PCDHGA8: variants seen among roughly 807,000 people sequenced by gnomAD.
PCDHGA8 encodes protocadherin gamma subfamily A, 8.
A neutral mutation model predicts 59.2 loss-of-function variants in PCDHGA8; 45 were observed. That is an observed-to-expected ratio of 0.76 (90% CI 0.60 to 0.98). PCDHGA8 has a LOEUF of 0.98. PCDHGA8 is among the 50% of genes least tolerant of loss of function. The pLI, the probability that PCDHGA8 is intolerant of heterozygous loss-of-function variation, is 0.00. For synonymous variants in PCDHGA8, 531 were observed against 519.0 expected, an observed-to-expected ratio of 1.02 and a Z score of -0.32; for missense variants, 1,257 against 1,196.2, an observed-to-expected ratio of 1.05 and a Z score of -0.75.
At chr5:141,415,740 GTTTTTTTTTTTTT>G (rs57426385) in intron 1 of PCDHGA8, 160 of 625,000 alleles carry the variant, frequency 2.6e-4, no homozygotes, top group Middle Eastern at 1.1e-3. Context: ...GTTTATTAAG[GTTTTTTTTTTTTT>G]TTTTTTTTTT....
rs777288812 is a variant in PCDHGA8 at position 141,487,236 on chromosome 5, G to A, written c.2425-7571G>A. The A allele has an allele frequency of 1.7e-5, 28 of 1,613,962 alleles. No homozygotes were observed. The highest frequency in any genetic ancestry group is 1.4e-4 in the South Asian group (13 of 91,070). On this transcript the variant is annotated intron_variant, in intron 1 of 3. Coordinates refer to ENST00000398604, the MANE Select transcript of PCDHGA8 (RefSeq NM_032088.2). This position sits in a 1 kb window ranked among gnomAD's most constrained non-coding sequence, Gnocchi z 5.0. ...TCAGCTCCAAGGGAAGGAGAATCTC[G>A]TCTAACCCTCTACTTGGCTGTGTCC... is the stretch of plus-strand genomic sequence containing the variant.
intron 2 of PCDHGA8, among the ~76,000 whole-genome samples, chr5:141,497,023 G>A (rs1271608156): frequency 1.3e-5 from 2 of 151,912 alleles, no homozygotes; most frequent in Non-Finnish European, 2.9e-5. Flanking sequence ...ACCCCATCTC[G>A]ATTAAAAATA....
At chr5:141,475,988 A>C (rs1197163866) in intron 1 of PCDHGA8, 29 of 1,114,786 alleles carry the variant, frequency 2.6e-5, no homozygotes, top group Non-Finnish European at 3.2e-5. Context: ...GCCGGCGAGC[A>C]AATCAACGGC....
At chr5:141,400,262 G>T (rs1485452553) in intron 1 of PCDHGA8, 1 of 1,613,914 alleles carries the variant, frequency 6.2e-7, no homozygotes, top group African/African-American at 1.3e-5. Flanking sequence ...TTGCGCCTGC[G>T]ACGCTCCTCC....
chr5:141,427,694 A>T (rs758628764), intron 1 of PCDHGA8: 2 of 913,932 alleles, frequency 2.2e-6, no homozygotes, highest in Non-Finnish European at 3.5e-6. Context: ...CCTCCATCCC[A>T]CAAGTCAGCG....
chr5:141,414,855 C>T (rs2095795912), intron 1 of PCDHGA8: 3 of 1,614,236 alleles, frequency 1.9e-6, no homozygotes, highest in Non-Finnish European at 2.5e-6. Flanking sequence ...TGGACCAGAA[C>T]GACAATGCGC....
At chr5:141,441,932 C>A in intron 1 of PCDHGA8, 1 of 347,904 alleles carries the variant, frequency 2.9e-6, no homozygotes. Flanking sequence ...GCGTGGCTGT[C>A]CTACCACGTG....
chr5:141,466,933 C>A (rs1305734739), intron 1 of PCDHGA8, among the ~76,000 whole-genome samples: 1 of 152,100 alleles, frequency 6.6e-6, no homozygotes, highest in Non-Finnish European at 1.5e-5. Context: ...GAATATTAGT[C>A]CTTTGTCCAG....
chr5:141,438,344 C>A (rs1591501799), intron 1 of PCDHGA8, among the ~76,000 whole-genome samples: 1 of 151,664 alleles, frequency 6.6e-6, no homozygotes, highest in African/African-American at 2.4e-5. Flanking sequence ...ATATAAGGAT[C>A]TACTCTGTGT....
At chr5:141,409,030 G>C (rs377547144) in intron 1 of PCDHGA8, 2 of 1,614,010 alleles carry the variant, frequency 1.2e-6, no homozygotes, top group South Asian at 2.2e-5. Context: ...TCAATGCTGA[G>C]ATAAACTACT....
chr5:141,494,688 A>T (rs2099756168), intron 1 of PCDHGA8, 119 bp from the exon 2 acceptor site: 1 of 1,576,254 alleles, frequency 6.3e-7, no homozygotes, highest in Non-Finnish European at 8.6e-7. Context: ...GCCCCCTCTT[A>T]GTCCGTTTTC....
rs376415955 is a variant in PCDHGA8, at chr5:141,432,082, C to T, written c.2424+36845C>T. ...CCACGGAAACTCATATCTCGCTGAACGTGGCAGACACCAACGACAACCCGC... is the reference window on the plus strand; with the variant it reads ...CCACGGAAACTCATATCTCGCTGAATGTGGCAGACACCAACGACAACCCGC... On this transcript the variant is annotated intron_variant, in intron 1 of 3. Transcript: ENST00000398604. This position sits in a 1 kb window ranked among gnomAD's most constrained non-coding sequence, Gnocchi z 6.0. The T allele has an allele frequency of 3.1e-6, 5 of 1,614,184 alleles. No homozygotes were observed. Among genetic ancestry groups the T allele is most frequent in the Non-Finnish European group, 4.2e-6 (5 of 1,180,028 alleles).
At chr5:141,422,812 T>A in intron 1 of PCDHGA8, 1 of 1,614,206 alleles carries the variant, frequency 6.2e-7, no homozygotes, top group Non-Finnish European at 8.5e-7. Context: ...GTTTCGAGAC[T>A]TAGAACTGAG....
rs55729045 is a variant in PCDHGA8 at position 141,395,542 on chromosome 5, TTGTGTGTGTGTGTG to T, written c.2424+341_2424+354del. ...TCCATACTGGTAATTTTGCTATTGT[TTGTGTGTGTGTGTG>T]TGTGTGTGTGTGTGTGTGTGTGTGT... On this transcript the variant is annotated intron_variant, in intron 1 of 3. Transcript: ENST00000398604. The T allele has an allele frequency of 6.1e-4, 106 of 172,624 alleles. 1 individual carries two copies. Among genetic ancestry groups the T allele is most frequent in the South Asian group, 8.7e-4 (10 of 11,526 alleles). The allele number at this position is 172,624 out of a possible 1,614,324, so 10.7% of individuals were successfully genotyped here.
At position 141,393,734 on chromosome 5, in the gene PCDHGA8, A is replaced by G. The variant is rs1453820640; in HGVS notation, c.921A>G (p.Leu307=). 3 of 1,613,888 alleles carry G rather than the reference A, an allele frequency of 1.9e-6. No homozygotes were observed. Among genetic ancestry groups the G allele is most frequent in the East Asian group, 2.2e-5 (1 of 44,888 alleles). The change falls in exon 1 of 4, where the codon CTA becomes CTG. Residue 307 remains leucine, a synonymous_variant. Transcript: ENST00000398604. ...NTGEISIAKS[L]DYEECSFYEM... ...GGGAAATATCAATAGCAAAAAGTCTAGATTATGAAGAATGTTCATTTTATG... is the reference window on the plus strand; with the variant it reads ...GGGAAATATCAATAGCAAAAAGTCTGGATTATGAAGAATGTTCATTTTATG...
chr5:141,446,279 G>A (rs1326701686), intron 1 of PCDHGA8, among the ~76,000 whole-genome samples: 1 of 152,096 alleles, frequency 6.6e-6, no homozygotes, highest in African/African-American at 2.4e-5. Context: ...AAATACAATG[G>A]ATAAATGGGG....
intron 1 of PCDHGA8, among the ~76,000 whole-genome samples, chr5:141,452,745 G>A (rs1246578948): frequency 6.6e-6 from 1 of 152,054 alleles, no homozygotes; most frequent in African/African-American, 2.4e-5. Flanking sequence ...AGAGAGAGAA[G>A]GAAGAAGGAA....
chr5:141,403,964 G>T (rs1279237991), intron 1 of PCDHGA8: 1 of 1,613,704 alleles, frequency 6.2e-7, no homozygotes, highest in Non-Finnish European at 8.5e-7. Context: ...CATTTCGGTG[G>T]AAGATGTAAA....
intron 1 of PCDHGA8, among the ~76,000 whole-genome samples, chr5:141,425,165 A>G (rs1391395593): frequency 6.6e-6 from 1 of 152,140 alleles, no homozygotes; most frequent in Non-Finnish European, 1.5e-5. Flanking sequence ...TAGGGATAGG[A>G]TTTATACTTG....
Sources: gnomAD v4.1 joint callset for allele counts (sites outside exome capture counted in the v4.1 genomes callset) on GRCh38, gnomAD v4.1.1 for gene constraint, Gnocchi (gnomAD v3.1) non-coding constraint, MANE v1.5 for transcripts, NCBI Gene and HGNC (gene_info 2026-07-23, HGNC 2026-07-21) for gene names.